PTPRB: variants seen among roughly 807,000 people sequenced by gnomAD.
PTPRB encodes the protein protein tyrosine phosphatase receptor type B, also known as receptor-type tyrosine-protein phosphatase beta.
In PTPRB, 97 loss-of-function variants were observed where a neutral mutation model predicts 238.1. That is an observed-to-expected ratio of 0.41 (90% CI 0.35 to 0.48). The LOEUF (loss-of-function observed/expected upper bound fraction) is 0.48, where lower values mean the gene tolerates loss of function less well. Ranked by LOEUF, PTPRB falls within the 20% of genes least tolerant of loss-of-function variation. PTPRB has a pLI of 0.30. For synonymous variants in PTPRB, 970 were observed against 995.4 expected (o/e 0.97, Z 0.48); for missense variants, 2,292 against 2,681.9 (o/e 0.85, Z 3.21).
chr12:70,563,219 G>C (rs1878746611), intron 15 of PTPRB, 112 bp from the exon 16 acceptor site: 1 of 1,088,206 alleles, frequency 9.2e-7, no homozygotes, highest in Non-Finnish European at 1.3e-6. Flanking sequence ...TCAGTGATAC[G>C]GGAAACAGTA....
chr12:70,631,820 C>G (rs2079850751), intron 2 of PTPRB, among the ~76,000 whole-genome samples: 1 of 152,194 alleles, frequency 6.6e-6, no homozygotes, highest in Non-Finnish European at 1.5e-5. Flanking sequence ...CCAACAGACA[C>G]ATGAAAAAAT....
intron 4 of PTPRB, among the ~76,000 whole-genome samples, chr12:70,599,173 T>C (rs1168086450): frequency 1.3e-5 from 2 of 152,214 alleles, no homozygotes; most frequent in East Asian, 1.9e-4. Flanking sequence ...TAGATACTTC[T>C]ATCAGGGGTG....
chr12:70,538,900 T>C (rs769162267), intron 27 of PTPRB, 24 bp downstream of exon 27: 4 of 1,581,278 alleles, frequency 2.5e-6, no homozygotes, highest in Non-Finnish European at 2.6e-6. Flanking sequence ...AAGACAGTAT[T>C]ACAAATTTTG....
chr12:70,568,238 T>C (rs1879560094), intron 14 of PTPRB, among the ~76,000 whole-genome samples: 1 of 152,190 alleles, frequency 6.6e-6, no homozygotes, highest in South Asian at 2.1e-4. Flanking sequence ...TTTTTACTTT[T>C]CTATCTCCTT....
At position 70,534,612 on chromosome 12, in the gene PTPRB, G is replaced by A. The variant is rs1474569984; in HGVS notation, c.6244C>T (p.His2082Tyr). The change falls in exon 31 of 34, where the codon CAC becomes TAC. Residue 2082 changes from histidine to tyrosine, a missense_variant. His to Tyr is a moderately conservative substitution (Grantham distance 83, BLOSUM62 2). Transcript: ENST00000334414. The stretch of plus-strand genomic sequence containing the variant: ...CCATGGTCTGGCCACACCGTATAGT[G>A]AAAGTGGCGGATGAGTCTGTGTGCA... The part of the protein sequence containing the change: ...LDAHRLIRHF[H>Y]YTVWPDHGVP... The A allele has an allele frequency of 6.2e-7, 1 of 1,612,836 alleles. No individual in the cohort carries two copies. The highest frequency in any genetic ancestry group is 2.2e-5 in the East Asian group (1 of 44,850).
intron 2 of PTPRB, among the ~76,000 whole-genome samples, chr12:70,622,953 G>GC (rs200264880): frequency 0.019 from 2,929 of 151,512 alleles, 64 homozygotes; most frequent in South Asian, 0.11. Flanking sequence ...GAATTTAGGG[G>GC]GGGGGTCACT....
At chr12:70,618,961 G>T (rs1444679241) in intron 3 of PTPRB, among the ~76,000 whole-genome samples, 1 of 152,090 alleles carries the variant, frequency 6.6e-6, no homozygotes, top group Non-Finnish European at 1.5e-5. Flanking sequence ...CCTCACACTG[G>T]CAGGTAAGGA....
Position 70,608,835 on chromosome 12 carries a change from C to G in PTPRB, c.979+234G>C. Reference sequence around the variant, plus strand: ...TTTGCTGACCGCCCTGCACCCCACCCCGACCCTTTCAGTAGCTAGTTGGCT... The same window carrying G: ...TTTGCTGACCGCCCTGCACCCCACCGCGACCCTTTCAGTAGCTAGTTGGCT... On this transcript the variant is annotated intron_variant, in intron 4 of 33. Transcript: ENST00000334414. 5.0e-6 allele frequency: 3 copies of G among 596,648 alleles called. No homozygotes were observed. The South Asian group carries it at 6.8e-5, about 13-fold the overall frequency. 37.0% of individuals were successfully genotyped at this position (596,648 alleles called of 1,614,324 possible). A position where few individuals can be genotyped will look rare whatever the true frequency, so the allele number is the denominator to read the frequency against.
intron 28 of PTPRB, among the ~76,000 whole-genome samples, chr12:70,536,606 C>T (rs1004285058): frequency 6.6e-6 from 1 of 152,166 alleles, no homozygotes; most frequent in Admixed American, 6.5e-5. Flanking sequence ...GTTGACTGAG[C>T]GTCTACCATC....
At chr12:70,618,658 G>A (rs935727620) in intron 3 of PTPRB, among the ~76,000 whole-genome samples, 34 of 152,276 alleles carry the variant, frequency 2.2e-4, no homozygotes, top group African/African-American at 7.0e-4. Flanking sequence ...CATACTTGGC[G>A]AACAATTGAT....
At chr12:70,580,781 G>A (rs545205632) in intron 10 of PTPRB, among the ~76,000 whole-genome samples, 34 of 149,798 alleles carry the variant, frequency 2.3e-4, no homozygotes, top group African/African-American at 3.5e-4. Flanking sequence ...TCACGCCATC[G>A]CACTCCAGCC....
intron 21 of PTPRB, among the ~76,000 whole-genome samples, chr12:70,548,577 C>T (rs930561410): frequency 6.6e-6 from 1 of 152,092 alleles, no homozygotes; most frequent in African/African-American, 2.4e-5. Flanking sequence ...AGTGTAAACA[C>T]AAAGTACTGA....
chr12:70,570,240 G>A (rs1879864016), intron 13 of PTPRB, among the ~76,000 whole-genome samples: 1 of 152,146 alleles, frequency 6.6e-6, no homozygotes, highest in African/African-American at 2.4e-5. Flanking sequence ...GGGACTACAG[G>A]CAAATTACTT....
At chr12:70,523,708 G>T (rs1871933499) in intron 33 of PTPRB, among the ~76,000 whole-genome samples, 1 of 152,108 alleles carries the variant, frequency 6.6e-6, no homozygotes. Flanking sequence ...ACTCTTTATG[G>T]GTAGGAGAAG....
chr12:70,600,014 G>C (rs964597615), intron 4 of PTPRB, among the ~76,000 whole-genome samples: 7 of 149,250 alleles, frequency 4.7e-5, no homozygotes, highest in African/African-American at 1.7e-4. Flanking sequence ...GAAAGAGAAA[G>C]AAAGCTATAT....
chr12:70,571,744 G>GA lies in PTPRB; in HGVS notation c.3106+79dup. 3.4e-6 allele frequency: 5 copies of GA among 1,484,470 alleles called. No individual in the cohort carries two copies. The South Asian group carries it at 4.0e-5, about 12-fold the overall frequency. The allele number at this position is 1,484,470 out of a possible 1,614,324, so 92.0% of individuals were successfully genotyped here. A position where few individuals can be genotyped will look rare whatever the true frequency, so the allele number is the denominator to read the frequency against. On this transcript the variant is annotated intron_variant, in intron 12 of 33. Coordinates refer to ENST00000334414, the MANE Select transcript of PTPRB (RefSeq NM_001109754.4). Reference sequence around the variant, plus strand: ...AATGTAATGTACTAATGAATAAGCAGAAAAAATTCAAGGTTCAGATAAATT... The same window carrying GA: ...AATGTAATGTACTAATGAATAAGCAGAAAAAAATTCAAGGTTCAGATAAATT...
chr12:70,524,455 TG>T lies in PTPRB; in HGVS notation c.6625+15del. 1.3e-6 allele frequency: 2 copies of T among 1,586,180 alleles called. No individual in the cohort carries two copies. The highest frequency in any genetic ancestry group is 2.3e-5 in the South Asian group (2 of 87,068). ...TGATGAAGAAACTTGGGGAAGTAAGTGAAGTAAGTGCCCACCTCTGTGATAC... is the reference window on the plus strand; with the variant it reads ...TGATGAAGAAACTTGGGGAAGTAAGTAAGTAAGTGCCCACCTCTGTGATAC... On this transcript the variant is annotated intron_variant, in intron 33 of 33. Coordinates refer to ENST00000334414, the MANE Select transcript of PTPRB (RefSeq NM_001109754.4).
chr12:70,617,728 A>G (rs1197101383), intron 3 of PTPRB, among the ~76,000 whole-genome samples: 1 of 152,122 alleles, frequency 6.6e-6, no homozygotes, highest in Non-Finnish European at 1.5e-5. Context: ...GGAGACTCAC[A>G]CTGGGCTGTG....
At chr12:70,552,068 C>G (rs1364496134) in intron 21 of PTPRB, among the ~76,000 whole-genome samples, 1 of 152,138 alleles carries the variant, frequency 6.6e-6, no homozygotes, top group East Asian at 1.9e-4. Context: ...AGTATAATTT[C>G]AGTTCACATT....
Sources: allele counts gnomAD v4.1 joint callset (sites outside exome capture counted in the v4.1 genomes callset), GRCh38; gene constraint gnomAD v4.1.1; transcripts MANE v1.5; gene names NCBI Gene and HGNC (gene_info 2026-07-23, HGNC 2026-07-21).